The following SHISA9 variants were observed in gnomAD, a reference collection of about 807,000 sequenced individuals.
SHISA9 encodes shisa family member 9.
Under a neutral mutation model 38.0 loss-of-function variants are expected in SHISA9, and 13 were observed. The observed-to-expected ratio is 0.34, with a 90% CI of 0.22 to 0.54. The LOEUF (loss-of-function observed/expected upper bound fraction) is 0.54. Ranked by LOEUF, SHISA9 falls within the 20% of genes least tolerant of loss-of-function variation. The pLI, the probability that SHISA9 is intolerant of heterozygous loss-of-function variation, is 0.91. For missense variants in SHISA9, 538 were observed against 575.8 expected (o/e 0.93, Z 0.67); for synonymous variants, 275 against 242.0 (o/e 1.14, Z -1.27).
chr16:13,519,725 T>C, the SHISA9 span, among the ~76,000 whole-genome samples: 1 of 152,148 alleles, frequency 6.6e-6, no homozygotes, highest in African/African-American at 2.4e-5. Context: ...TACACGTCCT[T>C]CTTCACATGG....
chr16:13,455,966 C>A, the SHISA9 span, among the ~76,000 whole-genome samples: 1 of 152,290 alleles, frequency 6.6e-6, no homozygotes, highest in Middle Eastern at 3.4e-3. Context: ...ATCAGACTCA[C>A]TTAATGAGGA....
chr16:13,523,943 A>C, the SHISA9 span, among the ~76,000 whole-genome samples: 1 of 152,306 alleles, frequency 6.6e-6, no homozygotes, highest in East Asian at 1.9e-4. Context: ...ATTAAGAGGA[A>C]AGTACTACTA....
intron 2 of SHISA9, among the ~76,000 whole-genome samples, chr16:13,148,689 G>GCGCGCACA (rs6145754): frequency 0.022 from 2,895 of 132,516 alleles, 91 homozygotes; most frequent in African/African-American, 0.085. Flanking sequence ...ACATACACAA[G>GCGCGCACA]CACACACACA....
chr16:13,355,396 T>A, the SHISA9 span, among the ~76,000 whole-genome samples: 2 of 151,510 alleles, frequency 1.3e-5, no homozygotes, highest in African/African-American at 4.8e-5. Context: ...AGTAGAGGTA[T>A]CTTATACTTG....
intron 2 of SHISA9, among the ~76,000 whole-genome samples, chr16:13,148,546 T>C (rs2050468453): frequency 6.6e-6 from 1 of 152,020 alleles, no homozygotes; most frequent in African/African-American, 2.4e-5. Flanking sequence ...CAAACCACAG[T>C]CCACATTCAC....
chr16:13,195,772 T>C (rs2050932447), intron 2 of SHISA9, among the ~76,000 whole-genome samples: 1 of 152,048 alleles, frequency 6.6e-6, no homozygotes, highest in Non-Finnish European at 1.5e-5. Context: ...AACCCCAATC[T>C]AATCATGAGA....
chr16:13,304,985 C>A, the SHISA9 span, among the ~76,000 whole-genome samples: 9 of 152,160 alleles, frequency 5.9e-5, no homozygotes, highest in Non-Finnish European at 1.2e-4. Flanking sequence ...CTAGGCTGAT[C>A]CTAAAATTCA....
the SHISA9 span, among the ~76,000 whole-genome samples, chr16:13,483,036 G>T: frequency 6.6e-6 from 1 of 152,194 alleles, no homozygotes; most frequent in African/African-American, 2.4e-5. Flanking sequence ...CGCTTCCACA[G>T]ATGGGCACTT....
intron 2 of SHISA9, among the ~76,000 whole-genome samples, chr16:13,071,256 C>T (rs1356620783): frequency 6.6e-6 from 1 of 152,168 alleles, no homozygotes; most frequent in Non-Finnish European, 1.5e-5. Context: ...TCTTACGAAC[C>T]TGTGATTTTA....
the SHISA9 span, among the ~76,000 whole-genome samples, chr16:13,458,878 T>C: frequency 2.6e-5 from 4 of 152,126 alleles, no homozygotes. Flanking sequence ...TTTTTTGTTT[T>C]TTTTTTAAGA....
chr16:13,326,033 G>A, the SHISA9 span, among the ~76,000 whole-genome samples: 46,685 of 148,296 alleles, frequency 0.31, 7,468 homozygotes, highest in East Asian at 0.5. Flanking sequence ...AAACCTGCAC[G>A]TTCTGCACAT....
chr16:12,916,645 A>G (rs1477011020), intron 1 of SHISA9, 43 bp from the exon 2 acceptor site: 2 of 1,537,794 alleles, frequency 1.3e-6, no homozygotes, highest in Non-Finnish European at 1.8e-6. Context: ...GCTGCCAGTC[A>G]TTGTGTTTTG....
chr16:13,246,659 A>G, the SHISA9 span, among the ~76,000 whole-genome samples: 1 of 152,004 alleles, frequency 6.6e-6, no homozygotes, highest in Non-Finnish European at 1.5e-5. Context: ...TGAGTCTCTA[A>G]ATGGTTTTGT....
At chr16:13,250,561 C>T in the SHISA9 span, among the ~76,000 whole-genome samples, 25 of 152,280 alleles carry the variant, frequency 1.6e-4, no homozygotes, top group African/African-American at 6.0e-4. Context: ...TTTAGGACTC[C>T]TCTGACGCTC....
the SHISA9 span, among the ~76,000 whole-genome samples, chr16:13,492,699 T>G: frequency 6.6e-6 from 1 of 152,194 alleles, no homozygotes; most frequent in African/African-American, 2.4e-5. Flanking sequence ...ATGGACTGAT[T>G]GCAGCTATCA....
the SHISA9 span, among the ~76,000 whole-genome samples, chr16:13,260,866 A>C: frequency 6.6e-6 from 1 of 152,174 alleles, no homozygotes; most frequent in Non-Finnish European, 1.5e-5. Flanking sequence ...TGGGAACAAA[A>C]AAAGGTTTAA....
chr16:12,942,613 A>G (rs1049241791), intron 2 of SHISA9, among the ~76,000 whole-genome samples: 5 of 152,246 alleles, frequency 3.3e-5, no homozygotes, highest in Non-Finnish European at 7.3e-5. Context: ...AATAAGTGCT[A>G]GAAAAAAGCT....
At chr16:13,493,016 A>ATAGATCTGAATTATTTTTC in the SHISA9 span, among the ~76,000 whole-genome samples, 2 of 152,148 alleles carry the variant, frequency 1.3e-5, no homozygotes, top group Non-Finnish European at 2.9e-5. Flanking sequence ...CTGCAAGAGG[A>ATAGATCTGAATTATTTTTC]TAGATCTGAA....
At chr16:13,025,680 TCATAGACGTAGGTCA>T (rs2072911788) in intron 2 of SHISA9, among the ~76,000 whole-genome samples, 2 of 152,242 alleles carry the variant, frequency 1.3e-5, no homozygotes, top group Non-Finnish European at 2.9e-5. Flanking sequence ...CTTGGCAATC[TCATAGACGTAGGTCA>T]CATGCTGACC....
Sources: gnomAD v4.1 joint callset for allele counts (sites outside exome capture counted in the v4.1 genomes callset) on GRCh38, gnomAD v4.1.1 for gene constraint, MANE v1.5 for transcripts, NCBI Gene and HGNC (gene_info 2026-07-23, HGNC 2026-07-21) for gene names.